CR1: variants seen among roughly 807,000 people sequenced by gnomAD.
CR1 encodes the protein complement receptor type 1.
Under a neutral mutation model 187.3 loss-of-function variants are expected in CR1, and 116 were observed. The ratio of observed to expected loss-of-function variants is 0.62; its 90% CI spans 0.53 to 0.72. The LOEUF (loss-of-function observed/expected upper bound fraction) is 0.72, where lower values mean the gene tolerates loss of function less well. Among genes scored for constraint, CR1 ranks in the 30% least tolerant of loss-of-function variants. The pLI is 0.00. For synonymous variants in CR1, 576 were observed against 747.1 expected (o/e 0.77, Z 3.73); for missense variants, 1,731 against 2,110.7 (o/e 0.82, Z 3.52).
intron 31 of CR1, among the ~76,000 whole-genome samples, chr1:207,581,320 G>A (rs900561161): frequency 2.1e-5 from 3 of 144,870 alleles, no homozygotes; most frequent in Non-Finnish European, 4.4e-5. Context: ...ATATGTATAC[G>A]TATACATGTA....
In CR1 at chr1:207,623,019, AT is replaced by A; in HGVS notation, c.7307del (p.Leu2436TyrfsTer9). The A allele has an allele frequency of 6.3e-7, 1 of 1,579,542 alleles. No homozygotes were observed. The highest frequency in any genetic ancestry group is 8.6e-7 in the Non-Finnish European group (1 of 1,159,938). On this transcript the variant is annotated frameshift_variant, in exon 45 of 47. Coordinates refer to ENST00000367049, the MANE Select transcript of CR1 (RefSeq NM_000651.6). LOFTEE classifies it high-confidence loss of function. ...CACTTTATCTGGTACGATCTTCTTT[AT>A]TTTACTCATCATTTTCCTCTCTTGG... is the stretch of plus-strand genomic sequence containing the variant. ...VGTLSGTIFF[I>X]LLIIFLSWII...
Position 207,581,884 on chromosome 1 carries a change from G to C in CR1, c.5217-34G>C, listed in dbSNP as rs747306086. On this transcript the variant is annotated intron_variant, in intron 31 of 46. Coordinates refer to ENST00000367049, the MANE Select transcript of CR1 (RefSeq NM_000651.6). The stretch of plus-strand genomic sequence containing the variant: ...GTCACGAAGGGAAGAGAGAAATGGT[G>C]CATTCATCCAGCCACTACTGCTTTG... 2.1e-6 allele frequency: 3 copies of C among 1,412,946 alleles called. No individual in the cohort carries two copies. In the South Asian group the frequency reaches 3.5e-5, roughly 16 times the overall value. The allele number at this position is 1,412,946 out of a possible 1,614,324, so 87.5% of individuals were successfully genotyped here. A position where few individuals can be genotyped will look rare whatever the true frequency, so the allele number is the denominator to read the frequency against.
intron 37 of CR1, among the ~76,000 whole-genome samples, chr1:207,610,271 A>G (rs1028351581): frequency 6.6e-6 from 1 of 152,196 alleles, no homozygotes; most frequent in African/African-American, 2.4e-5. Flanking sequence ...TACTTGATAT[A>G]TAATTATATA....
Position 207,563,867 on chromosome 1 carries a change from G to A in CR1, c.3590G>A (p.Cys1197Tyr). 1 of 1,461,612 alleles carries A rather than the reference G, an allele frequency of 6.8e-7. No individual in the cohort carries two copies. The highest frequency in any genetic ancestry group is 8.9e-7 in the Non-Finnish European group (1 of 1,120,494). The allele number at this position is 1,461,612 out of a possible 1,614,324, so 90.5% of individuals were successfully genotyped here. ...TACTTTGTTTCTCTCTCCCCAGTAT[G>A]TCAGCCACCTCCAGATGTCCTGCAT... ...EPELPSCSRV[C>Y]QPPPDVLHAE... The change falls in exon 22 of 47, where the codon TGT (cysteine) becomes TAT (tyrosine). Residue 1197 changes from cysteine to tyrosine, a missense_variant. By Grantham distance (194) the Cys-to-Tyr change is radical. This residue lies in a region of CR1 where 17 missense variants were observed against 214.5 expected (regional missense o/e 0.08). Transcript: ENST00000367049.
At chr1:207,622,073 A>G in intron 44 of CR1, 77 bp downstream of exon 44, 1 of 1,179,322 alleles carries the variant, frequency 8.5e-7, no homozygotes, top group South Asian at 1.4e-5. Flanking sequence ...AATGAAATGT[A>G]AAAAGAGAGA....
intron 41 of CR1, among the ~76,000 whole-genome samples, chr1:207,617,687 C>G (rs1662189534): frequency 1.0e-5 from 1 of 96,902 alleles, no homozygotes; most frequent in Non-Finnish European, 2.6e-5. Flanking sequence ...CTCCATAGCT[C>G]ATTCCTTTGA....
intron 36 of CR1, among the ~76,000 whole-genome samples, chr1:207,608,747 A>G (rs1238440560): frequency 1.3e-5 from 2 of 152,194 alleles, no homozygotes; most frequent in Non-Finnish European, 1.5e-5. Flanking sequence ...AATTGAGTCA[A>G]TACTGGTTAT....
intron 32 of CR1, among the ~76,000 whole-genome samples, chr1:207,582,900 G>C (rs1018663747): frequency 3.3e-5 from 5 of 152,184 alleles, no homozygotes; most frequent in African/African-American, 1.2e-4. Context: ...TTTGGGAATG[G>C]GGGAAATCAA....
intron 1 of CR1, among the ~76,000 whole-genome samples, chr1:207,503,975 C>T (rs918010349): frequency 1.4e-4 from 21 of 152,142 alleles, no homozygotes; most frequent in African/African-American, 3.6e-4. Flanking sequence ...AATCTTCTAT[C>T]GATGAAATTG....
At chr1:207,505,268 CT>C (rs1170932615) in intron 1 of CR1, among the ~76,000 whole-genome samples, 5 of 152,170 alleles carry the variant, frequency 3.3e-5, no homozygotes, top group Non-Finnish European at 2.9e-5. Context: ...ATTCTCCTGC[CT>C]CAGCCTCCCA....
chr1:207,566,297 T>C (rs1660494659), intron 24 of CR1, among the ~76,000 whole-genome samples: 1 of 150,228 alleles, frequency 6.7e-6, no homozygotes, highest in Non-Finnish European at 1.5e-5. Flanking sequence ...CTCCCCTTTC[T>C]TCTTTCCTTC....
At chr1:207,517,074 T>C (rs1369729267) in intron 4 of CR1, among the ~76,000 whole-genome samples, 1 of 152,134 alleles carries the variant, frequency 6.6e-6, no homozygotes, top group Non-Finnish European at 1.5e-5. Context: ...TTAAGGAAAC[T>C]CCCCTTTCTT....
intron 35 of CR1, among the ~76,000 whole-genome samples, chr1:207,593,339 C>T (rs1661333268): frequency 6.6e-6 from 1 of 152,088 alleles, no homozygotes; most frequent in South Asian, 2.1e-4. Context: ...ATGAACCTGA[C>T]AAAAACAAGC....
intron 43 of CR1, among the ~76,000 whole-genome samples, chr1:207,621,125 A>G (rs953949498): frequency 3.3e-5 from 5 of 152,182 alleles, no homozygotes; most frequent in Admixed American, 3.3e-4. Flanking sequence ...AAATAAAAAA[A>G]TTAGCTGGTC....
intron 28 of CR1, among the ~76,000 whole-genome samples, chr1:207,576,244 A>T (rs1558241002): frequency 6.6e-6 from 1 of 152,200 alleles, no homozygotes; most frequent in Non-Finnish European, 1.5e-5. Flanking sequence ...GAAATCAGCA[A>T]TTTCAAACCC....
In CR1 at chr1:207,580,391, G is replaced by T. The variant is rs1029077663; in HGVS notation, c.5088G>T (p.Trp1696Cys). Residue 1696 changes from tryptophan (W) to cysteine (C), a missense_variant, in exon 30 of 47, where the codon TGG (tryptophan) becomes TGT (cysteine). Around this residue, in one of 5 missense-constraint regions of CR1, gnomAD observed 1,312 missense variants for 1,379.6 expected, o/e 0.95. Transcript: ENST00000367049. ...ASLHCTPQGD[W>C]SPEAPRCAVK... is the part of the protein sequence containing the mutation. ...TGCACTGCACACCCCAGGGAGACTG[G>T]AGCCCTGAAGCCCCGAGATGTGCAG... 6.2e-7 allele frequency: 1 copy of T among 1,613,866 alleles called. No individual in the cohort carries two copies. The highest frequency in any genetic ancestry group is 8.5e-7 in the Non-Finnish European group (1 of 1,179,848).
chr1:207,623,911 CTTTTTTTTTT>C (rs71154830), intron 45 of CR1, among the ~76,000 whole-genome samples: 40 of 52,450 alleles, frequency 7.6e-4, no homozygotes, highest in African/African-American at 2.1e-4. Flanking sequence ...ACACCATTAA[CTTTTTTTTTT>C]TTTTTTTTTT....
chr1:207,496,946 C>G (rs1659107372), intron 1 of CR1, among the ~76,000 whole-genome samples: 1 of 152,150 alleles, frequency 6.6e-6, no homozygotes, highest in South Asian at 2.1e-4. Context: ...ATCCCCCAAC[C>G]GTTACCTCTG....
chr1:207,607,213 A>G, intron 35 of CR1, 38 bp from the exon 36 acceptor site: 2 of 1,449,778 alleles, frequency 1.4e-6, no homozygotes, highest in Non-Finnish European at 1.9e-6. Flanking sequence ...AATGGGAAAT[A>G]TGTGTAGCGT....
Sources: gnomAD v4.1 joint callset for allele counts (sites outside exome capture counted in the v4.1 genomes callset) on GRCh38, gnomAD v4.1.1 for gene constraint, gnomAD v4.1.1 regional missense constraint, MANE v1.5 for transcripts, NCBI Gene and HGNC (gene_info 2026-07-23, HGNC 2026-07-21) for gene names.